The following WDTC1 variants were observed in gnomAD, a reference collection of about 807,000 sequenced individuals.
WDTC1 encodes WD and tetratricopeptide repeats protein 1.
A neutral mutation model predicts 76.0 loss-of-function variants in WDTC1; 12 were observed. The observed-to-expected ratio is 0.16, with a 90% CI of 0.10 to 0.26. The LOEUF (loss-of-function observed/expected upper bound fraction) is 0.26. Among genes scored for constraint, WDTC1 ranks in the 10% least tolerant of loss-of-function variants. The pLI is 1.00. For missense variants in WDTC1, 511 were observed against 908.8 expected, an observed-to-expected ratio of 0.56 and a Z score of 5.63; for synonymous variants, 326 against 350.8, an observed-to-expected ratio of 0.93 and a Z score of 0.79.
At chr1:27,298,372 T>A (rs1331859502) in intron 12 of WDTC1, among the ~76,000 whole-genome samples, 1 of 152,202 alleles carries the variant, frequency 6.6e-6, no homozygotes, top group Non-Finnish European at 1.5e-5. Flanking sequence ...AGTTTCTACA[T>A]GGCATATTAT....
intron 6 of WDTC1, among the ~76,000 whole-genome samples, chr1:27,289,054 G>A (rs375134475): frequency 0.011 from 1,593 of 142,102 alleles, 15 homozygotes; most frequent in East Asian, 0.019. Flanking sequence ...CCTCCCTCCC[G>A]GACGGGGCGG....
chr1:27,239,616 G>T (rs2011570400), intron 1 of WDTC1, among the ~76,000 whole-genome samples: 1 of 150,396 alleles, frequency 6.6e-6, no homozygotes, highest in South Asian at 2.1e-4. Context: ...AGGAGTTGGA[G>T]GCCAGCCTGG....
At position 27,234,690 on chromosome 1, in the gene WDTC1, G is replaced by C. The variant is rs2011450005; in HGVS notation, c.-361G>C. ...GATAAACAGAGGAGGAGGAGGGAGG[G>C]GAGTGCGTGTGTGAGAGCGCGCGAG... is the stretch of plus-strand genomic sequence containing the variant. On this transcript the variant is annotated 5_prime_UTR_variant, in exon 1 of 16. Transcript: ENST00000319394. 2.5e-6 allele frequency: 1 copy of C among 397,912 alleles called. No individual in the cohort carries two copies. Among genetic ancestry groups the C allele is most frequent in the South Asian group, 1.3e-4 (1 of 7,862 alleles). 24.6% of individuals were successfully genotyped at this position (397,912 alleles called of 1,614,324 possible).
intron 1 of WDTC1, among the ~76,000 whole-genome samples, chr1:27,237,271 C>A (rs1280540882): frequency 6.6e-6 from 1 of 152,172 alleles, no homozygotes; most frequent in Non-Finnish European, 1.5e-5. Flanking sequence ...TCCGTGACCA[C>A]TCTCTTCTCT....
Position 27,303,538 on chromosome 1 carries a change from T to C in WDTC1, c.1469-83T>C. 1 of 1,485,862 alleles carries C rather than the reference T, an allele frequency of 6.7e-7. No homozygotes were observed. The highest frequency in any genetic ancestry group is 1.4e-5 in the South Asian group (1 of 69,752). The allele number at this position is 1,485,862 out of a possible 1,614,324, so 92.0% of individuals were successfully genotyped here. A position where few individuals can be genotyped will look rare whatever the true frequency, so the allele number is the denominator to read the frequency against. On this transcript the variant is annotated intron_variant, in intron 13 of 15. Coordinates refer to ENST00000319394, the MANE Select transcript of WDTC1 (RefSeq NM_001276252.2). This position sits in a 1 kb window ranked among gnomAD's most constrained non-coding sequence, Gnocchi z 4.8. Reference sequence around the variant, plus strand: ...AGCTCTATGTTGTCAGACTTTGGACTGAAAACAGAGCCATAGGTGGGGGAA... The same window carrying C: ...AGCTCTATGTTGTCAGACTTTGGACCGAAAACAGAGCCATAGGTGGGGGAA...
intron 1 of WDTC1, among the ~76,000 whole-genome samples, chr1:27,242,996 A>G (rs1273374873): frequency 6.6e-6 from 1 of 152,158 alleles, no homozygotes; most frequent in Non-Finnish European, 1.5e-5. Context: ...AGTCTATCCT[A>G]CCAGCGAAAG....
chr1:27,249,316 A>G (rs965969225), intron 1 of WDTC1, among the ~76,000 whole-genome samples: 3 of 150,622 alleles, frequency 2.0e-5, no homozygotes, highest in Non-Finnish European at 4.4e-5. Context: ...CTATCCCCCC[A>G]TTCCCTTCAG....
chr1:27,259,823 C>A lies in WDTC1; in HGVS notation c.-99-1133C>A, dbSNP rs143970144. 2.5e-4 allele frequency among the ~76,000 whole-genome samples: 38 copies of A among 151,006 alleles called. No individual in the cohort carries two copies. In the East Asian group the frequency reaches 6.8e-3, roughly 27 times the overall value. ...ATCTCTTGAGCCCAGGATTTCAATACCAGCTTCAGCAAGATGGCGAGACTC... is the reference window on the plus strand; with the variant it reads ...ATCTCTTGAGCCCAGGATTTCAATAACAGCTTCAGCAAGATGGCGAGACTC... On this transcript the variant is annotated intron_variant, in intron 1 of 15. Coordinates refer to ENST00000319394, the MANE Select transcript of WDTC1 (RefSeq NM_001276252.2).
chr1:27,257,909 G>T (rs1481998342), intron 1 of WDTC1, among the ~76,000 whole-genome samples: 1 of 152,052 alleles, frequency 6.6e-6, no homozygotes, highest in Non-Finnish European at 1.5e-5. Context: ...TCCTGCCTCA[G>T]CCTCCTGAGT....
chr1:27,280,069 T>C (rs775534934), intron 3 of WDTC1, among the ~76,000 whole-genome samples: 55 of 152,358 alleles, frequency 3.6e-4, no homozygotes, highest in Non-Finnish European at 6.2e-4. Flanking sequence ...GTTAAAGAAC[T>C]TGCTCAAGGA....
In WDTC1 at chr1:27,298,044, G is replaced by A; in HGVS notation, c.1165G>A (p.Val389Met). The A allele has an allele frequency of 1.9e-6, 3 of 1,614,080 alleles. No homozygotes were observed. The highest frequency in any genetic ancestry group is 2.2e-5 in the South Asian group (2 of 91,074). ...AGCCATTCAGCTTTACAGCAAGGCT[G>A]TGCAGAGGGCCCCTCACAATGCCAT... ...TQAIQLYSKA[V>M]QRAPHNAMLY... The change falls in exon 12 of 16, where the codon GTG (valine) becomes ATG (methionine). Residue 389 changes from valine to methionine, a missense_variant. Coordinates refer to ENST00000319394, the MANE Select transcript of WDTC1 (RefSeq NM_001276252.2).
intron 3 of WDTC1, among the ~76,000 whole-genome samples, chr1:27,270,352 C>T (rs2012831062): frequency 1.3e-5 from 2 of 152,084 alleles, no homozygotes; most frequent in Admixed American, 6.6e-5. Flanking sequence ...GATGGGTTAC[C>T]TGAACTAAAA....
At chr1:27,253,700 A>G (rs2012177861) in intron 1 of WDTC1, among the ~76,000 whole-genome samples, 1 of 151,910 alleles carries the variant, frequency 6.6e-6, no homozygotes, top group Non-Finnish European at 1.5e-5. Flanking sequence ...GACATTGAAA[A>G]TTTTATTTTA....
intron 3 of WDTC1, among the ~76,000 whole-genome samples, chr1:27,263,497 G>A (rs893598280): frequency 1.3e-5 from 2 of 152,040 alleles, no homozygotes; most frequent in African/African-American, 2.4e-5. Context: ...GCGGTGGCAC[G>A]ATCTCTGCTT....
rs1169532079 is a variant in WDTC1 at position 27,298,953 on chromosome 1, T to TG, written c.1232+847dup. Among the ~76,000 whole-genome samples the TG allele has an allele frequency of 2.0e-5, 3 of 152,190 alleles. No individual in the cohort carries two copies. In the East Asian group the frequency reaches 5.8e-4, roughly 29 times the overall value. ...AAGTCAGCAGGATGGTAATGCTAGGTGGGGGTGGGGAAGATGCTGTCCCCC... is the reference window on the plus strand; with the variant it reads ...AAGTCAGCAGGATGGTAATGCTAGGTGGGGGGTGGGGAAGATGCTGTCCCCC... On this transcript the variant is annotated intron_variant, in intron 12 of 15. Coordinates refer to ENST00000319394, the MANE Select transcript of WDTC1 (RefSeq NM_001276252.2).
At chr1:27,258,669 G>GT (rs1428213459) in intron 1 of WDTC1, among the ~76,000 whole-genome samples, 5 of 152,054 alleles carry the variant, frequency 3.3e-5, no homozygotes, top group Admixed American at 1.3e-4. Flanking sequence ...TTGGCAGCGA[G>GT]TTTTTTTTAT....
chr1:27,263,038 T>G, intron 2 of WDTC1, 114 bp from the exon 3 acceptor site: 1 of 1,061,346 alleles, frequency 9.4e-7, no homozygotes. Flanking sequence ...GCCAGTTCCT[T>G]GTTGTCTTCT....
intron 1 of WDTC1, among the ~76,000 whole-genome samples, chr1:27,251,346 G>A (rs2012053690): frequency 6.6e-6 from 1 of 151,978 alleles, no homozygotes; most frequent in Non-Finnish European, 1.5e-5. Context: ...ATACCTTTTG[G>A]GAGGTGTAAC....
chr1:27,251,223 A>G (rs2012048855), intron 1 of WDTC1, among the ~76,000 whole-genome samples: 1 of 151,340 alleles, frequency 6.6e-6, no homozygotes, highest in African/African-American at 2.4e-5. Flanking sequence ...ATCCTTTAAA[A>G]TCATAGAGAT....
Sources: gnomAD v4.1 joint callset for allele counts (sites outside exome capture counted in the v4.1 genomes callset) on GRCh38, gnomAD v4.1.1 for gene constraint, Gnocchi (gnomAD v3.1) non-coding constraint, MANE v1.5 for transcripts, NCBI Gene and HGNC (gene_info 2026-07-23, HGNC 2026-07-21) for gene names.